Variants in TPST1 observed in about 807,000 individuals in gnomAD.
TPST1 encodes the protein tyrosylprotein sulfotransferase 1.
In TPST1, 20 loss-of-function variants were observed where a neutral mutation model predicts 34.8. The observed-to-expected ratio is 0.57, with a 90% confidence interval of 0.40 to 0.84. TPST1 has a LOEUF of 0.84. Ranked by LOEUF, TPST1 falls within the 40% of genes least tolerant of loss-of-function variation. The pLI, the probability that TPST1 is intolerant of heterozygous loss-of-function variation, is 0.00. For synonymous variants in TPST1, 152 were observed against 159.4 expected, an observed-to-expected ratio of 0.95 and a Z score of 0.35; for missense variants, 353 against 455.5, an observed-to-expected ratio of 0.78 and a Z score of 2.05.
chr7:66,275,111 G>A (rs965437892), intron 2 of TPST1, among the ~76,000 whole-genome samples: 26 of 152,050 alleles, frequency 1.7e-4, no homozygotes, highest in Admixed American at 2.0e-4. Context: ...GGAGAATGGC[G>A]TGAACCCGGG....
chr7:66,359,275 A>G (rs1470952555), intron 5 of TPST1: 5 of 140,858 alleles, frequency 3.5e-5, no homozygotes, highest in South Asian at 2.3e-4. Context: ...ATTTCTTCAC[A>G]TGAGGAGGAA....
Position 66,286,576 on chromosome 7 carries a change from G to A in TPST1, c.911G>A (p.Gly304Glu), listed in dbSNP as rs1275951780. The change falls in exon 3 of 6, where the codon GGG becomes GAG. Residue 304 changes from glycine to glutamate, a missense_variant. By Grantham distance (98) the Gly-to-Glu change is moderately conservative. Transcript: ENST00000304842. ...GTAGGAGCTCTATCAAAATGGGTTG[G>A]GAAGATACCGCCAGATGTTTTACAA... ...VNVGALSKWV[G>E]KIPPDVLQDM... The A allele has an allele frequency of 6.2e-7, 1 of 1,610,218 alleles. No homozygotes were observed. Among genetic ancestry groups the A allele is most frequent in the Non-Finnish European group, 8.5e-7 (1 of 1,177,692 alleles).
intron 1 of TPST1, among the ~76,000 whole-genome samples, chr7:66,227,028 C>CTGTTTTTTTTTTTT (rs1789670063): frequency 1.4e-5 from 1 of 69,200 alleles, no homozygotes; most frequent in African/African-American, 6.7e-5. Context: ...TTAAAATAAG[C>CTGTTTTTTTTTTTT]TTTTTTTTTT....
At chr7:66,327,708 G>A (rs1162960208) in intron 3 of TPST1, among the ~76,000 whole-genome samples, 21 of 146,022 alleles carry the variant, frequency 1.4e-4, no homozygotes, top group African/African-American at 4.9e-4. Context: ...GGGTGACAGA[G>A]AAAGACCCTG....
At chr7:66,352,697 G>A in intron 4 of TPST1, 142 bp downstream of exon 4, 2 of 1,486,934 alleles carry the variant, frequency 1.3e-6, no homozygotes, top group Admixed American at 2.9e-5. Flanking sequence ...GATATGTGCT[G>A]GGGAAGAAAG....
At chr7:66,280,052 C>T (rs891561802) in intron 2 of TPST1, among the ~76,000 whole-genome samples, 3 of 152,220 alleles carry the variant, frequency 2.0e-5, no homozygotes, top group Non-Finnish European at 4.4e-5. Flanking sequence ...TGCCTCCCTC[C>T]TGGGGGTGTG....
chr7:66,273,703 A>G (rs112796218), intron 2 of TPST1, among the ~76,000 whole-genome samples: 1,817 of 152,298 alleles, frequency 0.012, 29 homozygotes, highest in African/African-American at 0.041. Flanking sequence ...ATGTTGGGAA[A>G]ACTGGATATC....
At chr7:66,314,197 C>T (rs1211565803) in intron 3 of TPST1, among the ~76,000 whole-genome samples, 2 of 152,124 alleles carry the variant, frequency 1.3e-5, no homozygotes, top group African/African-American at 4.8e-5. Context: ...TGTGTTTTTT[C>T]GGTGTCTCCA....
chr7:66,236,410 G>T (rs1562807938), intron 1 of TPST1, among the ~76,000 whole-genome samples: 1 of 151,838 alleles, frequency 6.6e-6, no homozygotes, highest in Non-Finnish European at 1.5e-5. Flanking sequence ...ATATATATAT[G>T]TATATACACA....
chr7:66,260,035 T>C (rs1445296612), intron 2 of TPST1, among the ~76,000 whole-genome samples: 1 of 152,208 alleles, frequency 6.6e-6, no homozygotes, highest in Non-Finnish European at 1.5e-5. Flanking sequence ...GATTGGGCTC[T>C]TTCACTTAGT....
intron 3 of TPST1, among the ~76,000 whole-genome samples, chr7:66,334,694 G>A (rs1199169359): frequency 1.3e-5 from 2 of 150,894 alleles, no homozygotes; most frequent in Non-Finnish European, 2.9e-5. Flanking sequence ...ACCAGAACTT[G>A]GGGAAGAAGT....
intron 3 of TPST1, among the ~76,000 whole-genome samples, chr7:66,323,686 A>G (rs557913359): frequency 6.6e-6 from 1 of 152,350 alleles, no homozygotes; most frequent in African/African-American, 2.4e-5. Context: ...CAAGTCAAAT[A>G]ATAAAAATTT....
intron 1 of TPST1, among the ~76,000 whole-genome samples, chr7:66,231,406 A>G (rs1763974566): frequency 6.6e-6 from 1 of 151,956 alleles, no homozygotes; most frequent in South Asian, 2.1e-4. Flanking sequence ...GCCGTGGAGC[A>G]GGGGGTGGCA....
intron 2 of TPST1, among the ~76,000 whole-genome samples, chr7:66,267,021 T>G (rs560483515): frequency 6.6e-6 from 1 of 152,304 alleles, no homozygotes; most frequent in Non-Finnish European, 1.5e-5. Flanking sequence ...ATACTCCATA[T>G]TATGAAAGAT....
chr7:66,315,553 G>A (rs771994997), intron 3 of TPST1, among the ~76,000 whole-genome samples: 2 of 152,186 alleles, frequency 1.3e-5, no homozygotes, highest in Non-Finnish European at 2.9e-5. Context: ...GGGGTTGTGG[G>A]AATGGTAGTA....
intron 3 of TPST1, among the ~76,000 whole-genome samples, chr7:66,320,226 T>A (rs1409682342): frequency 6.6e-6 from 1 of 151,594 alleles, no homozygotes; most frequent in Non-Finnish European, 1.5e-5. Flanking sequence ...CTGGTTTCTT[T>A]CTTTCTTTTT....
chr7:66,357,118 G>A (rs958201389), intron 5 of TPST1, among the ~76,000 whole-genome samples: 4 of 152,200 alleles, frequency 2.6e-5, no homozygotes, highest in Admixed American at 6.5e-5. Flanking sequence ...CCAAGAGCCT[G>A]GCTCATAATA....
rs1244773173 is a variant in TPST1 at position 66,276,378 on chromosome 7, A to ATATATATATG, written c.846-10130_846-10129insATATATGTAT. ...TTAAAAACATTTCATATATATATAT[A>ATATATATATG]TATGTATTTTTTTGAGGCAGAGCCT... is the stretch of plus-strand genomic sequence containing the variant. On this transcript the variant is annotated intron_variant, in intron 2 of 5. Coordinates refer to ENST00000304842, the MANE Select transcript of TPST1 (RefSeq NM_003596.4). Among the ~76,000 whole-genome samples the ATATATATATG allele has an allele frequency of 3.6e-5, 5 of 138,794 alleles. 1 individual carries two copies. The highest frequency in any genetic ancestry group is 1.1e-4 in the African/African-American group (4 of 35,588). The allele number at this position is 138,794 out of a possible 152,430, so 91.1% of individuals were successfully genotyped here.
intron 2 of TPST1, among the ~76,000 whole-genome samples, chr7:66,267,752 A>G (rs189022439): frequency 4.3e-4 from 65 of 152,290 alleles, no homozygotes; most frequent in Admixed American, 1.9e-3. Context: ...TTAAACTTCC[A>G]TTATGTACCT....
Sources: gnomAD v4.1 joint callset for allele counts (sites outside exome capture counted in the v4.1 genomes callset) on GRCh38, gnomAD v4.1.1 for gene constraint, MANE v1.5 for transcripts, NCBI Gene and HGNC (gene_info 2026-07-23, HGNC 2026-07-21) for gene names.